The following RORA variants were observed in gnomAD, a reference collection of about 807,000 sequenced individuals.
The protein encoded by RORA is nuclear receptor ROR-alpha.
A neutral mutation model predicts 69.5 loss-of-function variants in RORA; 7 were observed. The observed-to-expected ratio is 0.10, with a 90% CI of 0.06 to 0.19. The LOEUF is 0.19. RORA is among the 10% of genes least tolerant of loss of function. RORA has a pLI of 1.00. For synonymous variants in RORA, 261 were observed against 240.8 expected, an observed-to-expected ratio of 1.08 and a Z score of -0.78; for missense variants, 457 against 663.0, an observed-to-expected ratio of 0.69 and a Z score of 3.41.
At chr15:60,690,127 G>A (rs1035968399) in intron 1 of RORA, among the ~76,000 whole-genome samples, 1 of 152,154 alleles carries the variant, frequency 6.6e-6, no homozygotes, top group Admixed American at 6.5e-5. Context: ...ATACTCTGGG[G>A]TCCTCCAAAA....
chr15:60,526,073 A>T (rs575043119), intron 3 of RORA, among the ~76,000 whole-genome samples: 57 of 152,302 alleles, frequency 3.7e-4, no homozygotes, highest in African/African-American at 1.3e-3. Context: ...GAGGAAAAAA[A>T]GTTGTTCTTT....
chr15:60,504,947 C>T (rs1486933834), intron 6 of RORA, among the ~76,000 whole-genome samples: 1 of 152,162 alleles, frequency 6.6e-6, no homozygotes, highest in East Asian at 1.9e-4. Context: ...TGTTAGTTTT[C>T]CTCAAATGTA....
chr15:60,780,457 G>C (rs2072237349), intron 1 of RORA, among the ~76,000 whole-genome samples: 1 of 152,166 alleles, frequency 6.6e-6, no homozygotes, highest in South Asian at 2.1e-4. Context: ...CCTTTAAAAA[G>C]AATCAGGCGA....
chr15:60,844,733 C>T (rs189925457), intron 1 of RORA, among the ~76,000 whole-genome samples: 1 of 152,242 alleles, frequency 6.6e-6, no homozygotes, highest in East Asian at 1.9e-4. Context: ...ATGAAACAGA[C>T]ATGAAAAAGT....
At chr15:61,033,413 A>AAAAC (rs1555403797) in intron 1 of RORA, among the ~76,000 whole-genome samples, 145,570 of 150,988 alleles carry the variant, frequency 0.96, 70,414 homozygotes, top group Non-Finnish European at 1. Flanking sequence ...ATTCTGAAAA[A>AAAAC]AAAAACAAAA....
intron 1 of RORA, among the ~76,000 whole-genome samples, chr15:61,074,903 A>G (rs1298025214): frequency 6.6e-6 from 1 of 152,042 alleles, no homozygotes; most frequent in Non-Finnish European, 1.5e-5. Context: ...CCTGGCCAAC[A>G]TGATGAAATC....
At chr15:61,070,504 A>G (rs1431524545) in intron 1 of RORA, among the ~76,000 whole-genome samples, 3 of 152,254 alleles carry the variant, frequency 2.0e-5, no homozygotes, top group East Asian at 3.8e-4. Flanking sequence ...GTGAGGATGC[A>G]GAAGTTGTAG....
At chr15:60,852,565 G>A (rs2073337971) in intron 1 of RORA, among the ~76,000 whole-genome samples, 1 of 152,170 alleles carries the variant, frequency 6.6e-6, no homozygotes, top group African/African-American at 2.4e-5. Context: ...GCTTTGACAA[G>A]TAGTGAAAAA....
At chr15:60,512,570 G>A (rs2141326534) in intron 4 of RORA, among the ~76,000 whole-genome samples, 1 of 152,308 alleles carries the variant, frequency 6.6e-6, no homozygotes, top group Middle Eastern at 3.4e-3. Flanking sequence ...GATTACAAGT[G>A]TGAGCTACCA....
At chr15:60,992,451 G>T in intron 1 of RORA, among the ~76,000 whole-genome samples, 1 of 152,202 alleles carries the variant, frequency 6.6e-6, no homozygotes, top group Non-Finnish European at 1.5e-5. Context: ...ACCCATGTAG[G>T]GTAGGTCCTA....
intron 1 of RORA, among the ~76,000 whole-genome samples, chr15:61,067,113 T>TC (rs147536840): frequency 6.6e-6 from 1 of 150,948 alleles, no homozygotes; most frequent in Non-Finnish European, 1.5e-5. Context: ...AAACTTTTTT[T>TC]CTTTTTTTTT....
chr15:61,167,672 A>T (rs2079550339), intron 1 of RORA, among the ~76,000 whole-genome samples: 1 of 152,198 alleles, frequency 6.6e-6, no homozygotes, highest in African/African-American at 2.4e-5. Flanking sequence ...GTTGAAAACC[A>T]ACCTTTCAAA....
chr15:60,932,349 C>A (rs1229754912), intron 1 of RORA, among the ~76,000 whole-genome samples: 1 of 152,122 alleles, frequency 6.6e-6, no homozygotes, highest in Admixed American at 6.5e-5. Flanking sequence ...CTGGACCGTC[C>A]TAAAGAGAAA....
chr15:60,574,983 GAGA>G (rs1471402850), intron 2 of RORA, among the ~76,000 whole-genome samples: 1 of 152,128 alleles, frequency 6.6e-6, no homozygotes, highest in Non-Finnish European at 1.5e-5. Flanking sequence ...TCAGGGGCAG[GAGA>G]AGAAGAGGAG....
At chr15:60,942,709 C>A (rs1427043224) in intron 1 of RORA, among the ~76,000 whole-genome samples, 1 of 152,228 alleles carries the variant, frequency 6.6e-6, no homozygotes, top group East Asian at 1.9e-4. Flanking sequence ...TATCCTTGAT[C>A]TTCCTATCCT....
At chr15:60,916,898 C>G (rs1328372245) in intron 1 of RORA, among the ~76,000 whole-genome samples, 1 of 152,238 alleles carries the variant, frequency 6.6e-6, no homozygotes, top group African/African-American at 2.4e-5. Context: ...CTTATTGCAA[C>G]TAGAATATTT....
chr15:60,889,487 G>A (rs897900987), intron 1 of RORA, among the ~76,000 whole-genome samples: 1 of 152,192 alleles, frequency 6.6e-6, no homozygotes, highest in African/African-American at 2.4e-5. Flanking sequence ...AGTGAGTGCT[G>A]GGACATCCAT....
At chr15:61,108,431 G>A (rs2078971810) in intron 1 of RORA, among the ~76,000 whole-genome samples, 1 of 152,170 alleles carries the variant, frequency 6.6e-6, no homozygotes, top group Non-Finnish European at 1.5e-5. Context: ...TGACCTGTGG[G>A]CTGAATGCCT....
At chr15:60,915,956 G>A (rs1891861300) in intron 1 of RORA, among the ~76,000 whole-genome samples, 1 of 152,214 alleles carries the variant, frequency 6.6e-6, no homozygotes, top group African/African-American at 2.4e-5. Flanking sequence ...CCTACAGGAA[G>A]GCTATTAGAA....
Sources: gnomAD v4.1 joint callset for allele counts (sites outside exome capture counted in the v4.1 genomes callset) on GRCh38, gnomAD v4.1.1 for gene constraint, MANE v1.5 for transcripts, NCBI Gene and HGNC (gene_info 2026-07-23, HGNC 2026-07-21) for gene names.